The following FOXP2 variants were observed in gnomAD, a reference collection of about 807,000 sequenced individuals.
FOXP2 encodes forkhead box protein P2.
In FOXP2, 12 loss-of-function variants were observed where a neutral mutation model predicts 115.8. That is an observed-to-expected ratio of 0.10 (90% CI 0.07 to 0.17). The LOEUF is 0.17. FOXP2 is among the 10% of genes least tolerant of loss of function. The pLI, the probability that FOXP2 is intolerant of heterozygous loss-of-function variation, is 1.00. For missense variants in FOXP2, 629 were observed against 843.5 expected, an observed-to-expected ratio of 0.75 and a Z score of 3.15; for synonymous variants, 328 against 297.7, an observed-to-expected ratio of 1.10 and a Z score of -1.05.
chr7:114,316,912 A>G (rs1315066697), intron 2 of FOXP2, among the ~76,000 whole-genome samples: 1 of 152,176 alleles, frequency 6.6e-6, no homozygotes, highest in Admixed American at 6.5e-5. Flanking sequence ...TGTTATTAAC[A>G]AGTGATTGAG....
chr7:114,337,649 T>A (rs866607183), intron 2 of FOXP2, among the ~76,000 whole-genome samples: 2 of 151,206 alleles, frequency 1.3e-5, no homozygotes, highest in African/African-American at 4.8e-5. Context: ...TACTTGGAGT[T>A]CTCAGCAGTT....
intron 3 of FOXP2, among the ~76,000 whole-genome samples, chr7:114,539,981 G>T (rs1165675323): frequency 6.6e-6 from 1 of 151,934 alleles, no homozygotes; most frequent in African/African-American, 2.4e-5. Context: ...TTTCAAGATT[G>T]CTGTGAAGAC....
chr7:114,591,911 G>A (rs1024230433), intron 3 of FOXP2, among the ~76,000 whole-genome samples: 22 of 152,102 alleles, frequency 1.4e-4, no homozygotes, highest in African/African-American at 4.3e-4. Context: ...TGGCTATTGG[G>A]CACTTAAATA....
At chr7:114,402,895 C>A (rs1038000635) in intron 2 of FOXP2, among the ~76,000 whole-genome samples, 6 of 152,078 alleles carry the variant, frequency 3.9e-5, no homozygotes, top group African/African-American at 1.4e-4. Context: ...GATCTTCCCA[C>A]CTAGGCCTCC....
chr7:114,361,109 G>A (rs1435402426), intron 2 of FOXP2, among the ~76,000 whole-genome samples: 1 of 151,942 alleles, frequency 6.6e-6, no homozygotes, highest in Admixed American at 6.6e-5. Flanking sequence ...TTAAAGCAAT[G>A]GTTTGATTTC....
chr7:114,259,515 C>G (rs1795695322), intron 1 of FOXP2, among the ~76,000 whole-genome samples: 1 of 152,098 alleles, frequency 6.6e-6, no homozygotes, highest in East Asian at 1.9e-4. Context: ...TATCTGCTAC[C>G]TTCTTATTAG....
chr7:114,654,055 A>G, intron 10 of FOXP2, 46 bp downstream of exon 10: 2 of 1,612,434 alleles, frequency 1.2e-6, no homozygotes, highest in Non-Finnish European at 1.7e-6. Flanking sequence ...CTACCAATGT[A>G]ACAGACTAAG....
At chr7:114,535,626 T>G (rs919454991) in intron 3 of FOXP2, among the ~76,000 whole-genome samples, 1 of 151,652 alleles carries the variant, frequency 6.6e-6, no homozygotes, top group Non-Finnish European at 1.5e-5. Context: ...CATGATGGCC[T>G]TCTGGAGCTT....
intron 2 of FOXP2, among the ~76,000 whole-genome samples, chr7:114,519,090 C>T (rs763870168): frequency 2.0e-5 from 3 of 152,072 alleles, no homozygotes; most frequent in Non-Finnish European, 4.4e-5. Context: ...TTTATCTTAT[C>T]CCCTACATAC....
chr7:114,184,689 G>A (rs1793548348), intron 1 of FOXP2, among the ~76,000 whole-genome samples: 1 of 152,060 alleles, frequency 6.6e-6, no homozygotes. Flanking sequence ...GGCTATATGG[G>A]ACAAAATAAA....
chr7:114,101,196 C>A (rs561280470), intron 1 of FOXP2, among the ~76,000 whole-genome samples: 2 of 152,240 alleles, frequency 1.3e-5, no homozygotes, highest in Admixed American at 1.3e-4. Flanking sequence ...GAAGCCCAGT[C>A]TTTTATGATG....
chr7:114,413,364 A>G (rs377436919), upstream of FOXP2, among the ~76,000 whole-genome samples: 20 of 152,172 alleles, frequency 1.3e-4, no homozygotes, highest in African/African-American at 4.1e-4. Flanking sequence ...ATAAGTTACT[A>G]TTGCTCATAT....
intron 2 of FOXP2, among the ~76,000 whole-genome samples, chr7:114,305,113 G>T (rs1295020770): frequency 6.6e-6 from 1 of 151,948 alleles, no homozygotes; most frequent in Non-Finnish European, 1.5e-5. Context: ...TCATTTAAAA[G>T]GTTTGTAAGA....
chr7:114,158,511 T>TG (rs1792732317), upstream of FOXP2, among the ~76,000 whole-genome samples: 1 of 152,088 alleles, frequency 6.6e-6, no homozygotes, highest in African/African-American at 2.4e-5. Context: ...AAAGCAGTAA[T>TG]GGCAGTAATT....
intron 1 of FOXP2, among the ~76,000 whole-genome samples, chr7:114,283,799 C>A (rs938483502): frequency 3.3e-5 from 5 of 151,844 alleles, no homozygotes; most frequent in Non-Finnish European, 7.4e-5. Context: ...TCTGACTCTA[C>A]AAAAAGTGAA....
chr7:114,280,666 A>G (rs1796312861), intron 1 of FOXP2, among the ~76,000 whole-genome samples: 1 of 151,610 alleles, frequency 6.6e-6, no homozygotes, highest in Non-Finnish European at 1.5e-5. Context: ...AATATTTTAT[A>G]AAAAACAGAT....
At chr7:114,496,056 A>T (rs1216509945) in intron 2 of FOXP2, among the ~76,000 whole-genome samples, 1 of 152,190 alleles carries the variant, frequency 6.6e-6, no homozygotes, top group African/African-American at 2.4e-5. Flanking sequence ...GATTAAATAT[A>T]TGTCAATGGA....
At chr7:114,626,134 T>C (rs1015091719) in intron 3 of FOXP2, among the ~76,000 whole-genome samples, 1 of 151,854 alleles carries the variant, frequency 6.6e-6, no homozygotes, top group African/African-American at 2.4e-5. Context: ...ATTTATGTCA[T>C]AACTATTAAT....
Position 114,693,409 on chromosome 7 carries a change from A to G in FOXP2, c.*3483A>G. Reference sequence around the variant, plus strand: ...ATTCAGTCGCAAAATCCAATATGATATTTTGTAAAGTTTTCAAGTTGGACA... The same window carrying G: ...ATTCAGTCGCAAAATCCAATATGATGTTTTGTAAAGTTTTCAAGTTGGACA... On this transcript the variant is annotated 3_prime_UTR_variant, in exon 17 of 17. Coordinates refer to ENST00000350908, the MANE Select transcript of FOXP2 (RefSeq NM_014491.4). The G allele has an allele frequency of 2.2e-6, 1 of 453,694 alleles. No individual in the cohort carries two copies. The highest frequency in any genetic ancestry group is 1.6e-5 in the South Asian group (1 of 64,416). The allele number at this position is 453,694 out of a possible 1,614,324, so 28.1% of individuals were successfully genotyped here. A position where few individuals can be genotyped will look rare whatever the true frequency, so the allele number is the denominator to read the frequency against.
Sources: allele counts gnomAD v4.1 joint callset (sites outside exome capture counted in the v4.1 genomes callset), GRCh38; gene constraint gnomAD v4.1.1; transcripts MANE v1.5; gene names NCBI Gene and HGNC (gene_info 2026-07-23, HGNC 2026-07-21).